The following MLIP variants were observed in gnomAD, a reference collection of about 807,000 sequenced individuals.
MLIP encodes the protein muscular LMNA-interacting protein.
MLIP carries 79 observed loss-of-function variants against 84.8 expected under a neutral mutation model. That is an observed-to-expected ratio of 0.93 (90% CI 0.78 to 1.12). The LOEUF is 1.12. Ranked by LOEUF, MLIP falls within the 50% of genes most tolerant of loss-of-function variation. The pLI, the probability that MLIP is intolerant of heterozygous loss-of-function variation, is 0.00. For synonymous variants in MLIP, 504 were observed against 463.0 expected (o/e 1.09, Z -1.14); for missense variants, 1,257 against 1,160.6 (o/e 1.08, Z -1.21).
At chr6:54,225,893 G>T (rs1048335930) in intron 11 of MLIP, among the ~76,000 whole-genome samples, 2 of 152,170 alleles carry the variant, frequency 1.3e-5, no homozygotes, top group Non-Finnish European at 2.9e-5. Flanking sequence ...CTACAAGTAT[G>T]GGAAGTAAGA....
intron 11 of MLIP, among the ~76,000 whole-genome samples, chr6:54,213,639 T>C (rs1441874994): frequency 5.1e-5 from 7 of 137,550 alleles, no homozygotes; most frequent in African/African-American, 1.9e-4. Context: ...GAGGTGGAGG[T>C]TGCAGTGAGC....
chr6:54,123,463 GT>G (rs1315641932), intron 2 of MLIP, among the ~76,000 whole-genome samples: 1 of 152,142 alleles, frequency 6.6e-6, no homozygotes, highest in Non-Finnish European at 1.5e-5. Context: ...GGCAATTTGT[GT>G]TTTATCCTGA....
In MLIP at chr6:54,130,028, G is replaced by A. The variant is rs532520846; in HGVS notation, c.645+5163G>A. On this transcript the variant is annotated intron_variant, in intron 3 of 13. Transcript: ENST00000502396. ...CACTGCTACCTCTCCATTTCGTTTC[G>A]TGCTTAGGGTGAGTACATGATTCCC... Among the ~76,000 whole-genome samples the A allele has an allele frequency of 2.0e-4, 30 of 151,920 alleles. No homozygotes were observed. The East Asian group carries it at 3.9e-3, about 20-fold the overall frequency.
intron 1 of MLIP, chr6:54,059,036 T>G (rs1314861226): frequency 6.6e-6 from 1 of 152,196 alleles, no homozygotes. Flanking sequence ...AAGGCAGATA[T>G]GCTGTACTAT....
chr6:54,065,897 T>C (rs1172988979), intron 1 of MLIP, among the ~76,000 whole-genome samples: 1 of 82,284 alleles, frequency 1.2e-5, no homozygotes, highest in Non-Finnish European at 3.9e-5. Context: ...TAACTGTATG[T>C]AGTCTTTTTT....
chr6:54,160,351 T>A lies in MLIP; in HGVS notation c.2290-16T>A. The A allele has an allele frequency of 6.2e-7, 1 of 1,608,546 alleles. No individual in the cohort carries two copies. Among genetic ancestry groups the A allele is most frequent in the Non-Finnish European group, 8.5e-7 (1 of 1,176,052 alleles). ...GACTAGAAGCCTCATATAAGAACTATTTCATTTGTCACTAGGCACTAGATG... is the reference window on the plus strand; with the variant it reads ...GACTAGAAGCCTCATATAAGAACTAATTCATTTGTCACTAGGCACTAGATG... On this transcript the variant is annotated splice_polypyrimidine_tract_variant and intron_variant, in intron 5 of 13. Coordinates refer to ENST00000502396, the MANE Select transcript of MLIP (RefSeq NM_001281747.2).
intron 11 of MLIP, among the ~76,000 whole-genome samples, chr6:54,228,088 C>A (rs1780708124): frequency 1.9e-5 from 2 of 105,632 alleles, no homozygotes; most frequent in African/African-American, 5.6e-5. Flanking sequence ...GAGGCTGAGG[C>A]AGGAGAATGG....
intron 1 of MLIP, among the ~76,000 whole-genome samples, chr6:54,103,033 A>G (rs1768769497): frequency 6.6e-6 from 1 of 152,134 alleles, no homozygotes; most frequent in African/African-American, 2.4e-5. Flanking sequence ...AATATTCACC[A>G]TGGAATCTCT....
intron 11 of MLIP, among the ~76,000 whole-genome samples, chr6:54,226,423 A>G (rs1392837612): frequency 6.6e-6 from 1 of 152,206 alleles, no homozygotes; most frequent in Non-Finnish European, 1.5e-5. Flanking sequence ...TGACCAATAC[A>G]AAGAGGAAAG....
intron 12 of MLIP, among the ~76,000 whole-genome samples, chr6:54,251,647 A>G (rs1187061615): frequency 1.8e-5 from 2 of 110,776 alleles, no homozygotes; most frequent in Non-Finnish European, 3.3e-5. Context: ...ATTATAACAT[A>G]TAATATATAA....
intron 4 of MLIP, among the ~76,000 whole-genome samples, chr6:54,147,783 T>G (rs1255350245): frequency 6.6e-6 from 1 of 152,158 alleles, no homozygotes; most frequent in Non-Finnish European, 1.5e-5. Context: ...GAGCATGTAT[T>G]TGTGGGTGAC....
intron 4 of MLIP, among the ~76,000 whole-genome samples, chr6:54,145,799 AAAAAAAG>A (rs1772763256): frequency 6.6e-6 from 1 of 151,142 alleles, no homozygotes; most frequent in African/African-American, 2.4e-5. Flanking sequence ...CCCCACAAAA[AAAAAAAG>A]AAAAAGAAAG....
In MLIP at chr6:54,192,426, T is replaced by C. The variant is rs902581556; in HGVS notation, c.2589+2512T>C. The stretch of plus-strand genomic sequence containing the variant: ...TGAAATAAATAGTGGAAAATGATTG[T>C]ATGTAAGACATATTATAGGACATGT... On this transcript the variant is annotated intron_variant, in intron 10 of 13. Coordinates refer to ENST00000502396, the MANE Select transcript of MLIP (RefSeq NM_001281747.2). Among the ~76,000 whole-genome samples, 88 of 152,044 alleles carry C rather than the reference T, an allele frequency of 5.8e-4. 1 individual carries two copies. Among genetic ancestry groups the C allele is most frequent in the Admixed American group, 4.6e-4 (7 of 15,268 alleles).
At chr6:54,254,884 T>C (rs958635281) in intron 12 of MLIP, among the ~76,000 whole-genome samples, 4 of 151,658 alleles carry the variant, frequency 2.6e-5, no homozygotes, top group Non-Finnish European at 5.9e-5. Context: ...CACAGTAACT[T>C]TTTTTGAAAT....
intron 12 of MLIP, among the ~76,000 whole-genome samples, chr6:54,252,749 A>G (rs1427397410): frequency 1.3e-5 from 2 of 151,796 alleles, no homozygotes; most frequent in Admixed American, 6.6e-5. Flanking sequence ...ATCTTTGAAC[A>G]GTTCAAGAGA....
At chr6:54,112,308 A>C (rs993103120) in intron 1 of MLIP, among the ~76,000 whole-genome samples, 3 of 152,220 alleles carry the variant, frequency 2.0e-5, no homozygotes, top group African/African-American at 7.2e-5. Flanking sequence ...CAAGGGATTA[A>C]ATAGTCTACT....
At chr6:54,104,860 G>A (rs1024344237) in intron 1 of MLIP, among the ~76,000 whole-genome samples, 1 of 152,074 alleles carries the variant, frequency 6.6e-6, no homozygotes, top group Non-Finnish European at 1.5e-5. Flanking sequence ...GGGTTCTGTG[G>A]CCAAATAAAT....
rs574467013 is a variant in MLIP, at chr6:54,027,754, G to A, written c.63+8663G>A. Among the ~76,000 whole-genome samples the A allele has an allele frequency of 3.8e-3, 573 of 152,238 alleles. 2 individuals carry two copies. Among genetic ancestry groups the A allele is most frequent in the Non-Finnish European group, 6.4e-3 (434 of 68,020 alleles). On this transcript the variant is annotated intron_variant, in intron 1 of 12. Transcript: ENST00000274897. The stretch of plus-strand genomic sequence containing the variant: ...ACTTTATGGTTCAAATCAAGTTCTC[G>A]AAGCCATCCAGCCCTTTGAAAACCA...
At chr6:54,020,277 T>C (rs527751590) in intron 1 of MLIP, among the ~76,000 whole-genome samples, 8 of 152,306 alleles carry the variant, frequency 5.3e-5, no homozygotes, top group Non-Finnish European at 8.8e-5. Flanking sequence ...GAATAAAAAC[T>C]ATAATGTATG....
Sources: gnomAD v4.1 joint callset for allele counts (sites outside exome capture counted in the v4.1 genomes callset) on GRCh38, gnomAD v4.1.1 for gene constraint, MANE v1.5 for transcripts, NCBI Gene and HGNC (gene_info 2026-07-23, HGNC 2026-07-21) for gene names.